The following STAG1 variants were observed in gnomAD, a reference collection of about 807,000 sequenced individuals.
STAG1 encodes STAG1 cohesin complex component.
Under a neutral mutation model 170.9 loss-of-function variants are expected in STAG1, and 26 were observed. The ratio of observed to expected loss-of-function variants is 0.15; its 90% confidence interval spans 0.11 to 0.21. The LOEUF (loss-of-function observed/expected upper bound fraction) is 0.21. Ranked by LOEUF, STAG1 falls within the 10% of genes least tolerant of loss-of-function variation. STAG1 has a pLI of 1.00. For synonymous variants in STAG1, 514 were observed against 497.7 expected (o/e 1.03, Z -0.44); for missense variants, 964 against 1,509.5 (o/e 0.64, Z 5.99).
intron 21 of STAG1, among the ~76,000 whole-genome samples, chr3:136,405,838 C>CATGATGAGA (rs1210865913): frequency 1.8e-5 from 2 of 110,332 alleles, no homozygotes; most frequent in Admixed American, 2.0e-4. Context: ...ATGTTAAAAG[C>CATGATGAGA]ATGATGAGAT....
In STAG1 at chr3:136,670,296, A is replaced by T. The variant is rs1369042484; in HGVS notation, c.-83-39315T>A. 2.0e-5 allele frequency among the ~76,000 whole-genome samples: 3 copies of T among 152,240 alleles called. No individual in the cohort carries two copies. In the East Asian group the frequency reaches 5.8e-4, roughly 29 times the overall value. On this transcript the variant is annotated intron_variant, in intron 1 of 33. Coordinates refer to ENST00000383202, the MANE Select transcript of STAG1 (RefSeq NM_005862.3). Reference sequence around the variant, plus strand: ...TATGAAGCCAAGGTCACAAGTGACAATGCCATGGAAAAACAGTGATTCATA... The same window carrying T: ...TATGAAGCCAAGGTCACAAGTGACATTGCCATGGAAAAACAGTGATTCATA...
intron 16 of STAG1, among the ~76,000 whole-genome samples, chr3:136,428,850 A>C (rs1337333658): frequency 1.3e-5 from 2 of 152,324 alleles, no homozygotes; most frequent in East Asian, 3.9e-4. Context: ...GCAAATAGAC[A>C]CCAGCCAGGA....
chr3:136,564,578 A>G (rs145888218), intron 5 of STAG1, among the ~76,000 whole-genome samples: 8 of 152,340 alleles, frequency 5.3e-5, no homozygotes, highest in Admixed American at 2.0e-4. Context: ...TTTTTATTAT[A>G]TTCTACTGAT....
intron 1 of STAG1, among the ~76,000 whole-genome samples, chr3:136,691,664 T>C (rs1942726762): frequency 6.6e-6 from 1 of 152,232 alleles, no homozygotes; most frequent in Non-Finnish European, 1.5e-5. Flanking sequence ...CGTCCAAATG[T>C]AGTCTTGTTT....
chr3:136,584,233 T>A (rs934167618), intron 4 of STAG1, among the ~76,000 whole-genome samples: 5 of 152,222 alleles, frequency 3.3e-5, no homozygotes, highest in African/African-American at 1.2e-4. Context: ...ACTAAAAATA[T>A]CTGGACTGGA....
chr3:136,682,608 T>C (rs1942375573), intron 1 of STAG1, among the ~76,000 whole-genome samples: 1 of 151,554 alleles, frequency 6.6e-6, no homozygotes, highest in Non-Finnish European at 1.5e-5. Flanking sequence ...AATTTGAAAA[T>C]GAAATTAAGA....
intron 16 of STAG1, among the ~76,000 whole-genome samples, chr3:136,426,004 T>A (rs533073170): frequency 1.3e-5 from 2 of 151,646 alleles, no homozygotes; most frequent in South Asian, 2.1e-4. Flanking sequence ...GAAATCCTTG[T>A]ACATTTGTCC....
Position 136,555,060 on chromosome 3 carries a change from C to A in STAG1, c.395-12865G>T, listed in dbSNP as rs1445114326. On this transcript the variant is annotated intron_variant, in intron 5 of 33. Coordinates refer to ENST00000383202, the MANE Select transcript of STAG1 (RefSeq NM_005862.3). ...AACTATATATATACATATATGCACACACGCACTCAGGCACACACACACACT... is the reference window on the plus strand; with the variant it reads ...AACTATATATATACATATATGCACAAACGCACTCAGGCACACACACACACT... 2.7e-5 allele frequency among the ~76,000 whole-genome samples: 4 copies of A among 149,040 alleles called. No individual in the cohort carries two copies. In the Admixed American group the frequency reaches 2.7e-4, roughly 10 times the overall value.
chr3:136,587,807 T>C (rs1937918309), intron 4 of STAG1, among the ~76,000 whole-genome samples: 1 of 151,562 alleles, frequency 6.6e-6, no homozygotes. Context: ...ACACAAAAAT[T>C]AGCCAGCCAA....
chr3:136,337,333 G>GTAAC lies in STAG1; in HGVS notation c.*917_*920dup, dbSNP rs1225125114. ...TTATCTTAAGAAAATGGAAGTCTGTGTAACTTGAATTTGGCAGGGCATGAA... is the reference window on the plus strand; with the variant it reads ...TTATCTTAAGAAAATGGAAGTCTGTGTAACTAACTTGAATTTGGCAGGGCATGAA... On this transcript the variant is annotated 3_prime_UTR_variant, in exon 34 of 34. Transcript: ENST00000383202. 6.6e-6 allele frequency: 1 copy of GTAAC among 152,566 alleles called. No individual in the cohort carries two copies. The highest frequency in any genetic ancestry group is 1.5e-5 in the Non-Finnish European group (1 of 68,026). The allele number at this position is 152,566 out of a possible 1,614,324, so 9.5% of individuals were successfully genotyped here. A position where few individuals can be genotyped will look rare whatever the true frequency, so the allele number is the denominator to read the frequency against.
intron 1 of STAG1, among the ~76,000 whole-genome samples, chr3:136,748,933 A>G (rs1935089384): frequency 6.6e-6 from 1 of 152,224 alleles, no homozygotes; most frequent in Non-Finnish European, 1.5e-5. Context: ...AAAAGGCAAT[A>G]TAAGTAAGAG....
At chr3:136,575,849 C>T (rs1307101479) in intron 4 of STAG1, among the ~76,000 whole-genome samples, 2 of 152,140 alleles carry the variant, frequency 1.3e-5, no homozygotes, top group African/African-American at 2.4e-5. Context: ...AACTTGTTAG[C>T]TAGCCATATA....
chr3:136,729,877 C>CT (rs36212432), intron 1 of STAG1, among the ~76,000 whole-genome samples: 2,356 of 58,544 alleles, frequency 0.04, 483 homozygotes, highest in Non-Finnish European at 0.059. Flanking sequence ...CCACGCCAGG[C>CT]TTTTTTTTTT....
At chr3:136,524,878 T>C (rs1339941725) in intron 6 of STAG1, among the ~76,000 whole-genome samples, 1 of 152,238 alleles carries the variant, frequency 6.6e-6, no homozygotes, top group Non-Finnish European at 1.5e-5. Flanking sequence ...TTTGGTTCTG[T>C]TCATGTGCTG....
chr3:136,410,389 GCAAGACT>G (rs2087592964), intron 21 of STAG1, among the ~76,000 whole-genome samples: 2 of 152,100 alleles, frequency 1.3e-5, no homozygotes, highest in Non-Finnish European at 2.9e-5. Flanking sequence ...GGGCAACAGA[GCAAGACT>G]CTGTTTGAAA....
chr3:136,622,242 C>A (rs1939897037), intron 3 of STAG1, among the ~76,000 whole-genome samples: 1 of 152,030 alleles, frequency 6.6e-6, no homozygotes, highest in African/African-American at 2.4e-5. Flanking sequence ...ATCGCTGAAC[C>A]CAGGAGGTGG....
intron 21 of STAG1, among the ~76,000 whole-genome samples, chr3:136,409,830 T>A (rs916766091): frequency 2.6e-5 from 4 of 152,138 alleles, no homozygotes; most frequent in African/African-American, 9.7e-5. Flanking sequence ...GTAATGCCAG[T>A]ATTTTGGTTG....
At chr3:136,478,654 C>T (rs78682139) in intron 9 of STAG1, among the ~76,000 whole-genome samples, 2,321 of 152,158 alleles carry the variant, frequency 0.015, 28 homozygotes, top group Non-Finnish European at 0.025. Context: ...TGACAAAATT[C>T]CTTGCTCTAA....
At chr3:136,641,414 C>G (rs1435068821) in intron 1 of STAG1, among the ~76,000 whole-genome samples, 1 of 152,154 alleles carries the variant, frequency 6.6e-6, no homozygotes, top group Non-Finnish European at 1.5e-5. Context: ...ATCCAGCAGA[C>G]CCCTCCATAA....
Sources: gnomAD v4.1 joint callset for allele counts (sites outside exome capture counted in the v4.1 genomes callset) on GRCh38, gnomAD v4.1.1 for gene constraint, MANE v1.5 for transcripts, NCBI Gene and HGNC (gene_info 2026-07-23, HGNC 2026-07-21) for gene names.